Variants in HNRNPU observed in about 807,000 individuals in gnomAD.
HNRNPU encodes the protein heterogeneous nuclear ribonucleoprotein U, also known as HNRNPU antisense RNA 1.
In HNRNPU, 5 loss-of-function variants were observed where a neutral mutation model predicts 94.7. That is an observed-to-expected ratio of 0.05 (90% CI 0.03 to 0.11). The LOEUF (loss-of-function observed/expected upper bound fraction) is 0.11, where lower values mean the gene tolerates loss of function less well. HNRNPU is among the 10% of genes least tolerant of loss of function. The pLI is 1.00. For missense variants in HNRNPU, 710 were observed against 1,049.2 expected, an observed-to-expected ratio of 0.68 and a Z score of 4.47; for synonymous variants, 434 against 381.6, an observed-to-expected ratio of 1.14 and a Z score of -1.60.
intron 1 of HNRNPU, chr1:244,862,957 G>C (rs2102989658): frequency 1.7e-6 from 1 of 574,812 alleles, no homozygotes; most frequent in East Asian, 2.9e-5. Flanking sequence ...ATTCGAGAAA[G>C]CCAAAGAAAA....
chr1:244,859,058 G>C (rs548804872), intron 5 of HNRNPU: 1 of 578,970 alleles, frequency 1.7e-6, no homozygotes, highest in South Asian at 2.3e-5. Context: ...CATATCACGG[G>C]TAAGATTTTA....
rs1282285110 is a variant in HNRNPU at position 244,852,608 on chromosome 1, C to T, written c.*1842G>A. The stretch of plus-strand genomic sequence containing the variant: ...CTAAAAAAGATAAAAATCCATGACA[C>T]TATCTTCAACTGTTAAATATCTTAT... On this transcript the variant is annotated 3_prime_UTR_variant, in exon 14 of 14. Coordinates refer to ENST00000640218, the MANE Select transcript of HNRNPU (RefSeq NM_031844.3). The T allele has an allele frequency of 1.1e-4, 16 of 152,164 alleles. No individual in the cohort carries two copies. The highest frequency in any genetic ancestry group is 2.9e-5 in the Non-Finnish European group (2 of 68,022). The allele number at this position is 152,164 out of a possible 1,614,324, so 9.4% of individuals were successfully genotyped here. A position where few individuals can be genotyped will look rare whatever the true frequency, so the allele number is the denominator to read the frequency against.
rs1404441784 is a variant in HNRNPU, at chr1:244,863,749, T to C, written c.559A>G (p.Ser187Gly). ...RGAAKEAAGK[S>G]SGPTSLFAVT... is the part of the protein sequence containing the mutation. ...GCGAACAGCGAGGTGGGGCCGCTGCTCTTCCCCGCGGCCTCCTTGGCGGCC... is the reference window on the plus strand; with the variant it reads ...GCGAACAGCGAGGTGGGGCCGCTGCCCTTCCCCGCGGCCTCCTTGGCGGCC... Residue 187 changes from serine (S) to glycine (G), a missense_variant, in exon 1 of 14, where the codon AGC becomes GGC. By Grantham distance (56) the Ser-to-Gly change is moderately conservative. Around this residue, in one of 8 missense-constraint regions of HNRNPU, gnomAD observed 292 missense variants for 293.4 expected, o/e 1.00. Transcript: ENST00000640218. 1.9e-6 allele frequency: 3 copies of C among 1,582,530 alleles called. No individual in the cohort carries two copies. The highest frequency in any genetic ancestry group is 2.6e-6 in the Non-Finnish European group (3 of 1,168,114).
rs758721153 is a variant in HNRNPU at position 244,854,998 on chromosome 1, T to G, written c.2399A>C (p.Gln800Pro). The change falls in exon 13 of 14, where the codon CAG (glutamine) becomes CCG (proline). Residue 800 changes from glutamine (Q) to proline (P), a missense_variant. Physicochemically the swap from Gln to Pro is moderately conservative, Grantham distance 76. Coordinates refer to ENST00000640218, the MANE Select transcript of HNRNPU (RefSeq NM_031844.3). ...ACCCTGCTGCCACTGGTTGTAGCCC[T>G]GAGATTGATTTTTGTAGCCACGATT... ...GNNRGYKNQSQGYNQWQQGQF... is the reference protein window; with the variant it reads ...GNNRGYKNQSPGYNQWQQGQF... 1.2e-6 allele frequency: 2 copies of G among 1,613,510 alleles called. No homozygotes were observed. The highest frequency in any genetic ancestry group is 1.7e-6 in the Non-Finnish European group (2 of 1,179,524).
chr1:244,863,578 G>A, intron 1 of HNRNPU, 39 bp downstream of exon 1: 1 of 1,377,882 alleles, frequency 7.3e-7, no homozygotes, highest in Non-Finnish European at 9.3e-7. Flanking sequence ...CACCCCGCGC[G>A]GGCCTCCCGC....
At chr1:244,857,514 TG>T (rs1242762002) in intron 8 of HNRNPU, 83 bp downstream of exon 8, 1 of 1,377,724 alleles carries the variant, frequency 7.3e-7, no homozygotes, top group Non-Finnish European at 1.0e-6. Context: ...CTCAAAATGC[TG>T]AGATTACAGG....
In HNRNPU at chr1:244,862,588, G is replaced by C. The variant is rs752116686; in HGVS notation, c.803+31C>G. On this transcript the variant is annotated intron_variant, in intron 2 of 13. Transcript: ENST00000640218. ...GCTTTCCGATCAACGAACGAATAAG[G>C]GATGAGTAAAACTAGGTGAGCATCC... 7 of 1,606,164 alleles carry C rather than the reference G, an allele frequency of 4.4e-6. No individual in the cohort carries two copies. In the East Asian group the frequency reaches 1.3e-4, roughly 31 times the overall value.
rs905563416 is a variant in HNRNPU at position 244,858,120 on chromosome 1, T to C, written c.1385A>G (p.Lys462Arg). 6 of 1,614,090 alleles carry C rather than the reference T, an allele frequency of 3.7e-6. No individual in the cohort carries two copies. The highest frequency in any genetic ancestry group is 4.5e-5 in the East Asian group (2 of 44,894). ...NCAVEFNFGQKEKPYFPIPEE... is the reference protein window; with the variant it reads ...NCAVEFNFGQREKPYFPIPEE... ...AGGTATTGGAAAATATGGCTTTTCC[T>C]TCTGACCAAAATTAAATTCAACTGC... is the stretch of plus-strand genomic sequence containing the variant. The change falls in exon 7 of 14, where the codon AAG becomes AGG. Residue 462 changes from lysine (K) to arginine (R), a missense_variant. Transcript: ENST00000640218.
At chr1:244,861,383 A>G (rs918232760) in intron 3 of HNRNPU, 1 of 152,352 alleles carries the variant, frequency 6.6e-6, no homozygotes, top group Non-Finnish European at 1.5e-5. Context: ...TCACCACTTC[A>G]CTACCTTGCC....
rs1680562309 is a variant in HNRNPU at position 244,852,046 on chromosome 1, C to T, written c.*2404G>A. The T allele has an allele frequency of 6.6e-6, 1 of 152,158 alleles. No individual in the cohort carries two copies. Among genetic ancestry groups the T allele is most frequent in the South Asian group, 2.1e-4 (1 of 4,828 alleles). 9.4% of individuals were successfully genotyped at this position (152,158 alleles called of 1,614,324 possible). Reference sequence around the variant, plus strand: ...TTCCTCTGGGTAGTCAGGATTTGTCCAGAACTACATCCTTTTCAGATGTTC... The same window carrying T: ...TTCCTCTGGGTAGTCAGGATTTGTCTAGAACTACATCCTTTTCAGATGTTC... On this transcript the variant is annotated 3_prime_UTR_variant, in exon 14 of 14. Transcript: ENST00000640218.
In HNRNPU at chr1:244,863,669, CT is replaced by C; in HGVS notation, c.638del (p.Lys213ArgfsTer126). On this transcript the variant is annotated frameshift_variant, in exon 1 of 14. Transcript: ENST00000640218. LOFTEE classifies it high-confidence loss of function. The stretch of plus-strand genomic sequence containing the variant: ...CGCCTCCGCCGCCTTCCGCCTTCTT[CT>C]TACCTCCCGCCTGCTGCTGGCCCTG... ...ARQGQQQAGG[K>X]KKAEGGGGGG... 6.4e-7 allele frequency: 1 copy of C among 1,563,010 alleles called. No individual in the cohort carries two copies. Among genetic ancestry groups the C allele is most frequent in the Non-Finnish European group, 8.6e-7 (1 of 1,164,938 alleles).
chr1:244,859,501 C>G, intron 4 of HNRNPU, 127 bp from the exon 5 acceptor site: 1 of 529,864 alleles, frequency 1.9e-6, no homozygotes, highest in East Asian at 2.9e-5. Flanking sequence ...CACACTCTAG[C>G]CCACCCCCAA....
In HNRNPU at chr1:244,854,257, G is replaced by A. The variant is rs1038352540; in HGVS notation, c.*193C>T. 3 of 568,430 alleles carry A rather than the reference G, an allele frequency of 5.3e-6. No homozygotes were observed. Among genetic ancestry groups the A allele is most frequent in the African/African-American group, 1.9e-5 (1 of 51,588 alleles). 35.2% of individuals were successfully genotyped at this position (568,430 alleles called of 1,614,324 possible). On this transcript the variant is annotated 3_prime_UTR_variant, in exon 14 of 14. Transcript: ENST00000640218. ...GTGCACAATGCTGAGGTTCTCTTAC[G>A]ATTCACTTTTAAACTGCAATTAAAA...
At chr1:244,856,241 A>C in intron 10 of HNRNPU, 83 bp from the exon 11 acceptor site, 1 of 1,388,684 alleles carries the variant, frequency 7.2e-7, no homozygotes, top group South Asian at 1.4e-5. Context: ...CTTGAGGTTT[A>C]GTAACATATT....
At position 244,854,980 on chromosome 1, in the gene HNRNPU, T is replaced by C; in HGVS notation, c.2417A>G (p.Gln806Arg). ...ACATAAGAAATTACTTACACCCTGC[T>C]GCCACTGGTTGTAGCCCTGAGATTG... ...KNQSQGYNQW[Q>R]QGQFWGQKPW... The change falls in exon 13 of 14, where the codon CAG (glutamine) becomes CGG (arginine). Residue 806 changes from glutamine (Q) to arginine (R), a missense_variant. By Grantham distance (43) the Gln-to-Arg change is conservative. Transcript: ENST00000640218. 1 of 1,610,734 alleles carries C rather than the reference T, an allele frequency of 6.2e-7. No homozygotes were observed. The highest frequency in any genetic ancestry group is 8.5e-7 in the Non-Finnish European group (1 of 1,176,884).
rs1464003862 is a variant in HNRNPU, at chr1:244,851,278, G to A, written c.*3172C>T. The A allele has an allele frequency of 6.6e-6, 1 of 152,116 alleles. No individual in the cohort carries two copies. The highest frequency in any genetic ancestry group is 1.5e-5 in the Non-Finnish European group (1 of 68,008). 9.4% of individuals were successfully genotyped at this position (152,116 alleles called of 1,614,324 possible). On this transcript the variant is annotated 3_prime_UTR_variant, in exon 14 of 14. Coordinates refer to ENST00000640218, the MANE Select transcript of HNRNPU (RefSeq NM_031844.3). The stretch of plus-strand genomic sequence containing the variant: ...AGTTTTTTAAAAATCAAATATACAA[G>A]ATCTACAATTATTTATATCCAAGAT...
At chr1:244,862,918 CATTACTAATTT>C (rs1680877665) in intron 1 of HNRNPU, 188 bp from the exon 2 acceptor site, 1 of 611,542 alleles carries the variant, frequency 1.6e-6, no homozygotes, top group Non-Finnish European at 2.9e-6. Flanking sequence ...AGTCTAAAGA[CATTACTAATTT>C]TGCCAGTCTC....
chr1:244,862,823 T>C (rs1573336072), intron 1 of HNRNPU, 93 bp from the exon 2 acceptor site: 10 of 860,040 alleles, frequency 1.2e-5, no homozygotes, highest in South Asian at 8.2e-5. Flanking sequence ...GACTTTATCC[T>C]GCTTTTTAAC....
rs373698630 is a variant in HNRNPU, at chr1:244,852,245, G to A, written c.*2205C>T. The stretch of plus-strand genomic sequence containing the variant: ...TTCTGCCATACAAGTGTAGACAATT[G>A]TATTAATTCTAGTCTTGACTAAAGA... On this transcript the variant is annotated 3_prime_UTR_variant, in exon 14 of 14. Coordinates refer to ENST00000640218, the MANE Select transcript of HNRNPU (RefSeq NM_031844.3). 6.6e-4 allele frequency: 100 copies of A among 152,208 alleles called. 1 individual carries two copies. In the East Asian group the frequency reaches 0.013, roughly 19 times the overall value. The allele number at this position is 152,208 out of a possible 1,614,324, so 9.4% of individuals were successfully genotyped here. A position where few individuals can be genotyped will look rare whatever the true frequency, so the allele number is the denominator to read the frequency against.
Sources: gnomAD v4.1 joint callset for allele counts on GRCh38, gnomAD v4.1.1 for gene constraint, gnomAD v4.1.1 regional missense constraint, MANE v1.5 for transcripts, NCBI Gene and HGNC (gene_info 2026-07-23, HGNC 2026-07-21) for gene names.